The following PLCB1 variants were observed in gnomAD, a reference collection of about 807,000 sequenced individuals.
PLCB1 encodes the protein phospholipase C beta 1.
PLCB1 carries 46 observed loss-of-function variants against 161.8 expected under a neutral mutation model. That is an observed-to-expected ratio of 0.28 (90% confidence interval 0.22 to 0.36). The LOEUF (loss-of-function observed/expected upper bound fraction) is 0.36. Ranked by LOEUF, PLCB1 falls within the 10% of genes least tolerant of loss-of-function variation. The pLI, the probability that PLCB1 is intolerant of heterozygous loss-of-function variation, is 1.00. For missense variants in PLCB1, 1,016 were observed against 1,472.5 expected, an observed-to-expected ratio of 0.69 and a Z score of 5.07; for synonymous variants, 517 against 503.7, an observed-to-expected ratio of 1.03 and a Z score of -0.35.
intron 9 of PLCB1, among the ~76,000 whole-genome samples, chr20:8,673,969 C>G (rs1228463263): frequency 6.6e-6 from 1 of 152,046 alleles, no homozygotes; most frequent in Non-Finnish European, 1.5e-5. Context: ...CGCAGTTGGC[C>G]AAAGAGTATT....
At chr20:8,663,234 G>T (rs1989730068) in intron 9 of PLCB1, among the ~76,000 whole-genome samples, 1 of 151,704 alleles carries the variant, frequency 6.6e-6, no homozygotes, top group Non-Finnish European at 1.5e-5. Flanking sequence ...ATAGTTGTGT[G>T]TGTATACACA....
chr20:8,407,102 A>G (rs575559580), intron 3 of PLCB1, among the ~76,000 whole-genome samples: 1 of 152,324 alleles, frequency 6.6e-6, no homozygotes, highest in Non-Finnish European at 1.5e-5. Context: ...GCTAGAATGA[A>G]TCATGTGATA....
intron 3 of PLCB1, among the ~76,000 whole-genome samples, chr20:8,471,291 T>G (rs6118203): frequency 0.12 from 18,123 of 152,206 alleles, 1,147 homozygotes; most frequent in African/African-American, 0.14. Flanking sequence ...ATAGACATTG[T>G]AAGTGTTCAA....
chr20:8,264,509 A>G (rs914924023), intron 2 of PLCB1, among the ~76,000 whole-genome samples: 7 of 152,220 alleles, frequency 4.6e-5, no homozygotes, highest in African/African-American at 1.7e-4. Context: ...ACATAATTTT[A>G]TGTACTAGAG....
intron 27 of PLCB1, among the ~76,000 whole-genome samples, chr20:8,782,220 A>G (rs1423967103): frequency 6.6e-6 from 1 of 152,130 alleles, no homozygotes; most frequent in Non-Finnish European, 1.5e-5. Flanking sequence ...CCTTCTGAAA[A>G]GAGAAGGGAG....
chr20:8,523,848 A>T (rs1251819502), intron 3 of PLCB1, among the ~76,000 whole-genome samples: 2 of 152,054 alleles, frequency 1.3e-5, no homozygotes, highest in Non-Finnish European at 2.9e-5. Context: ...GCCCAGTGAG[A>T]CACAGAGGAA....
chr20:8,779,913 A>T (rs570512323), intron 27 of PLCB1, among the ~76,000 whole-genome samples: 1 of 152,332 alleles, frequency 6.6e-6, no homozygotes, highest in East Asian at 1.9e-4. Context: ...CTACATCCAC[A>T]GTAGAAGGTA....
rs568709047 is a variant in PLCB1 at position 8,264,945 on chromosome 20, C to A, written c.178-106437C>A. Reference sequence around the variant, plus strand: ...CTGCCAACATGTATGGTTGGAGATGCATTTTAGGGGGTCAGGGAGATAATT... The same window carrying A: ...CTGCCAACATGTATGGTTGGAGATGAATTTTAGGGGGTCAGGGAGATAATT... On this transcript the variant is annotated intron_variant, in intron 2 of 31. Coordinates refer to ENST00000338037, the MANE Select transcript of PLCB1 (RefSeq NM_015192.4). Among the ~76,000 whole-genome samples the A allele has an allele frequency of 8.5e-5, 13 of 152,200 alleles. 1 individual carries two copies. The highest frequency in any genetic ancestry group is 3.1e-4 in the African/African-American group (13 of 41,532).
chr20:8,340,214 A>G (rs532085859), intron 2 of PLCB1, among the ~76,000 whole-genome samples: 3 of 152,206 alleles, frequency 2.0e-5, no homozygotes, highest in South Asian at 2.1e-4. Context: ...CTCATCCTCA[A>G]ACCGTTACTC....
chr20:8,691,225 G>C (rs1440898816), intron 10 of PLCB1, among the ~76,000 whole-genome samples: 1 of 151,866 alleles, frequency 6.6e-6, no homozygotes, highest in Admixed American at 6.6e-5. Flanking sequence ...AAACATTCAA[G>C]CTACCCCAAA....
intron 3 of PLCB1, among the ~76,000 whole-genome samples, chr20:8,378,498 TAAATA>T (rs1180375800): frequency 6.6e-6 from 1 of 152,364 alleles, no homozygotes; most frequent in East Asian, 1.9e-4. Context: ...ACAATTAAAT[TAAATA>T]AAAAATATTT....
intron 2 of PLCB1, among the ~76,000 whole-genome samples, chr20:8,340,788 A>G (rs921746290): frequency 2.6e-5 from 4 of 152,170 alleles, no homozygotes; most frequent in African/African-American, 7.2e-5. Context: ...CCGGCCGAAT[A>G]CCTAAACACT....
At chr20:8,429,681 T>G (rs1979950011) in intron 3 of PLCB1, among the ~76,000 whole-genome samples, 1 of 152,036 alleles carries the variant, frequency 6.6e-6, no homozygotes, top group Non-Finnish European at 1.5e-5. Flanking sequence ...ATCAAACCAT[T>G]GACCAACATC....
intron 10 of PLCB1, among the ~76,000 whole-genome samples, chr20:8,693,448 A>G (rs1387137113): frequency 2.0e-5 from 3 of 152,180 alleles, no homozygotes; most frequent in African/African-American, 7.2e-5. Flanking sequence ...GTCAAGACAA[A>G]TAATACATTC....
In PLCB1 at chr20:8,760,423, T is replaced by G. The variant is rs142813933; in HGVS notation, c.2673T>G (p.Pro891=). Residue 891 remains proline, a synonymous_variant, in exon 25 of 32, where the codon CCT becomes CCG. Coordinates refer to ENST00000338037, the MANE Select transcript of PLCB1 (RefSeq NM_015192.4). ...SQPAPGSVKA[P]AKTEDLIQSV... ...ATATTACAGGTTCTGTAAAGGCACC[T>G]GCCAAAACAGAAGATCTTATTCAGA... is the stretch of plus-strand genomic sequence containing the variant. 4.5e-4 allele frequency: 729 copies of G among 1,610,098 alleles called. 3 individuals carry two copies. The African/African-American group carries it at 8.5e-3, about 19-fold the overall frequency.
intron 3 of PLCB1, among the ~76,000 whole-genome samples, chr20:8,516,800 T>C (rs1260266174): frequency 6.6e-6 from 1 of 150,670 alleles, no homozygotes; most frequent in African/African-American, 2.4e-5. Context: ...AGTTGAGTCA[T>C]GGTCAAGGTG....
intron 4 of PLCB1, among the ~76,000 whole-genome samples, chr20:8,640,377 C>A (rs1297845446): frequency 6.6e-6 from 1 of 152,016 alleles, no homozygotes; most frequent in Admixed American, 6.5e-5. Context: ...TTTTAAAATC[C>A]TTTTTTATGT....
chr20:8,222,099 GTGTTTATAATT>G (rs1025738738), intron 2 of PLCB1, among the ~76,000 whole-genome samples: 4 of 152,110 alleles, frequency 2.6e-5, no homozygotes, highest in African/African-American at 9.7e-5. Context: ...TGACAAGACA[GTGTTTATAATT>G]TGGCTTCAAA....
intron 2 of PLCB1, among the ~76,000 whole-genome samples, chr20:8,230,084 A>AG (rs1979941413): frequency 6.9e-6 from 1 of 144,710 alleles, no homozygotes; most frequent in Admixed American, 6.9e-5. Context: ...AAAAAAAAAA[A>AG]GAAATCTGAA....
Sources: allele counts gnomAD v4.1 joint callset (sites outside exome capture counted in the v4.1 genomes callset), GRCh38; gene constraint gnomAD v4.1.1; transcripts MANE v1.5; gene names NCBI Gene and HGNC (gene_info 2026-07-23, HGNC 2026-07-21).